RAP1GAP2: variants seen among roughly 807,000 people sequenced by gnomAD.
RAP1GAP2 encodes rap1 GTPase-activating protein 2.
A neutral mutation model predicts 95.0 loss-of-function variants in RAP1GAP2; 27 were observed. That is an observed-to-expected ratio of 0.28 (90% CI 0.21 to 0.39). The LOEUF is 0.39. Among genes scored for constraint, RAP1GAP2 ranks in the 10% least tolerant of loss-of-function variants. The probability of loss-of-function intolerance (pLI) is 1.00; values close to 1 mark genes in which losing one functional copy is unlikely to be tolerated. For missense variants in RAP1GAP2, 771 were observed against 970.0 expected, an observed-to-expected ratio of 0.79 and a Z score of 2.72; for synonymous variants, 373 against 380.9, an observed-to-expected ratio of 0.98 and a Z score of 0.24.
At chr17:2,944,906 G>A (rs1473704061) in intron 3 of RAP1GAP2, among the ~76,000 whole-genome samples, 1 of 151,800 alleles carries the variant, frequency 6.6e-6, no homozygotes, top group Non-Finnish European at 1.5e-5. Context: ...TTTTTGAGAC[G>A]GAGTCTTGCT....
chr17:2,799,640 G>T (rs1426045038), intron 1 of RAP1GAP2, among the ~76,000 whole-genome samples: 1 of 152,218 alleles, frequency 6.6e-6, no homozygotes, highest in East Asian at 1.9e-4. Flanking sequence ...GACATGGACA[G>T]TGATGGTGAC....
Position 2,964,065 on chromosome 17 carries a change from G to A in RAP1GAP2, c.489G>A (p.Gly163=), listed in dbSNP as rs1261967629. 6.2e-7 allele frequency: 1 copy of A among 1,608,232 alleles called. No homozygotes were observed. Among genetic ancestry groups the A allele is most frequent in the Non-Finnish European group, 8.5e-7 (1 of 1,177,686 alleles). Residue 163 remains glycine, a synonymous_variant, in exon 7 of 25, where the codon GGG becomes GGA. Coordinates refer to ENST00000254695, the MANE Select transcript of RAP1GAP2 (RefSeq NM_015085.5). The stretch of plus-strand genomic sequence containing the variant: ...GGGCCTACCGGAGGCACTTCCTGGG[G>A]AAGGTGAGGCTGGGGGAGAGGAGCT... ...EARAYRRHFL[G]KDHLNFYCTG... is the part of the protein sequence containing the mutation.
intron 12 of RAP1GAP2, among the ~76,000 whole-genome samples, chr17:2,993,712 C>A (rs372152632): frequency 1.4e-3 from 208 of 152,136 alleles, no homozygotes; most frequent in African/African-American, 5.0e-3. Flanking sequence ...GAGATGCTAT[C>A]ATTATAAGAC....
intron 2 of RAP1GAP2, among the ~76,000 whole-genome samples, chr17:2,864,009 G>A (rs529415895): frequency 1.6e-4 from 24 of 151,834 alleles, no homozygotes; most frequent in South Asian, 4.2e-4. Flanking sequence ...CCGAGATCGC[G>A]CCACTGCACT....
intron 2 of RAP1GAP2, among the ~76,000 whole-genome samples, chr17:2,806,073 C>T (rs1488936197): frequency 2.6e-5 from 4 of 152,186 alleles, no homozygotes; most frequent in African/African-American, 9.7e-5. Context: ...GTGATTTCTT[C>T]CCTAGGAGAA....
intron 2 of RAP1GAP2, among the ~76,000 whole-genome samples, chr17:2,840,922 C>A (rs530000657): frequency 6.6e-6 from 1 of 151,980 alleles, no homozygotes; most frequent in Admixed American, 6.6e-5. Flanking sequence ...TGCTTGAGCC[C>A]GGGAGGTGGA....
Position 2,855,934 on chromosome 17 carries a change from A to G in RAP1GAP2, c.81-49350A>G, listed in dbSNP as rs1462284749. Among the ~76,000 whole-genome samples, 1 of 152,202 alleles carries G rather than the reference A, an allele frequency of 6.6e-6. No individual in the cohort carries two copies. The highest frequency in any genetic ancestry group is 6.6e-5 in the Admixed American group (1 of 15,262). On this transcript the variant is annotated intron_variant, in intron 2 of 24. Coordinates refer to ENST00000254695, the MANE Select transcript of RAP1GAP2 (RefSeq NM_015085.5). The surrounding 1 kb of genome is among the most constrained non-coding windows in gnomAD (Gnocchi z 4.3). ...CGGCTGAAGTGAATCTATTTAATAG[A>G]AATAGTAGTAATAATAATACAAGTG...
intron 2 of RAP1GAP2, among the ~76,000 whole-genome samples, chr17:2,815,407 G>A (rs1024306422): frequency 2.7e-4 from 41 of 151,872 alleles, no homozygotes; most frequent in African/African-American, 8.9e-4. Context: ...TGGGAACAGA[G>A]TGCCTGGTAC....
chr17:2,908,122 C>T lies in RAP1GAP2; in HGVS notation c.165+2754C>T, dbSNP rs544117924. Reference sequence around the variant, plus strand: ...GCCTGGCCCAGAGTCAGCATTTTACCGTCATTTTCCGGTGATTTGTATACA... The same window carrying T: ...GCCTGGCCCAGAGTCAGCATTTTACTGTCATTTTCCGGTGATTTGTATACA... On this transcript the variant is annotated intron_variant, in intron 3 of 24. Transcript: ENST00000254695. Among the ~76,000 whole-genome samples, 21 of 152,192 alleles carry T rather than the reference C, an allele frequency of 1.4e-4. 1 individual carries two copies. The South Asian group carries it at 3.5e-3, about 26-fold the overall frequency.
intron 2 of RAP1GAP2, among the ~76,000 whole-genome samples, chr17:2,882,903 G>A (rs1276440465): frequency 1.3e-5 from 2 of 152,220 alleles, no homozygotes; most frequent in East Asian, 1.9e-4. Context: ...GCACACCGTC[G>A]GTGCTTTACA....
At chr17:2,851,152 T>C (rs1031890269) in intron 2 of RAP1GAP2, among the ~76,000 whole-genome samples, 4 of 152,062 alleles carry the variant, frequency 2.6e-5, no homozygotes, top group Non-Finnish European at 4.4e-5. Context: ...CAAAGAATTA[T>C]GAAGGAGGTG....
chr17:2,959,474 T>C (rs2044233704), intron 4 of RAP1GAP2, among the ~76,000 whole-genome samples: 1 of 152,210 alleles, frequency 6.6e-6, no homozygotes, highest in Admixed American at 6.5e-5. Context: ...GGGCCCAGCC[T>C]CAGAGGGTTC....
chr17:2,892,140 T>C (rs1444111307), intron 2 of RAP1GAP2, among the ~76,000 whole-genome samples: 1 of 152,058 alleles, frequency 6.6e-6, no homozygotes, highest in African/African-American at 2.4e-5. Flanking sequence ...CCTATTTCTC[T>C]GTATATGGTA....
rs890471213 is a variant in RAP1GAP2 at position 3,035,259 on chromosome 17, T to C, written c.*1898T>C. ...AGGCCTGTACGTTCTGGACGCGTTT[T>C]GTTGGCTGGGCTTCTGGAGGCACTG... On this transcript the variant is annotated 3_prime_UTR_variant, in exon 25 of 25. Transcript: ENST00000254695. The surrounding 1 kb of genome is among the most constrained non-coding windows in gnomAD (Gnocchi z 4.3). 9.8e-5 allele frequency: 15 copies of C among 152,580 alleles called. No individual in the cohort carries two copies. The highest frequency in any genetic ancestry group is 3.4e-4 in the African/African-American group (14 of 41,450). 9.5% of individuals were successfully genotyped at this position (152,580 alleles called of 1,614,324 possible). A position where few individuals can be genotyped will look rare whatever the true frequency, so the allele number is the denominator to read the frequency against.
chr17:3,002,381 G>A (rs999556135), intron 14 of RAP1GAP2, among the ~76,000 whole-genome samples: 2 of 152,206 alleles, frequency 1.3e-5, no homozygotes, highest in African/African-American at 4.8e-5. Context: ...CACTCCACCT[G>A]CCAGGCAGAC....
upstream of RAP1GAP2, among the ~76,000 whole-genome samples, chr17:2,773,725 C>CTATTTATT (rs58664630): frequency 1.4e-3 from 204 of 147,992 alleles, 1 homozygote; most frequent in Middle Eastern, 6.9e-3. Context: ...ACAGTAGACA[C>CTATTTATT]TATTTATTTA....
chr17:2,759,244 C>T (rs2071202436), intron 1 of RAP1GAP2, among the ~76,000 whole-genome samples: 2 of 152,146 alleles, frequency 1.3e-5, no homozygotes, highest in Admixed American at 6.6e-5. Context: ...GAATCTATAT[C>T]TGTGCATACT....
chr17:2,947,559 C>T (rs2043747129), intron 3 of RAP1GAP2, among the ~76,000 whole-genome samples: 1 of 152,190 alleles, frequency 6.6e-6, no homozygotes, highest in Non-Finnish European at 1.5e-5. Flanking sequence ...TGAGCATCTA[C>T]TGTGTGCTAG....
At chr17:2,820,082 A>G (rs1042638395) in intron 2 of RAP1GAP2, among the ~76,000 whole-genome samples, 4 of 152,108 alleles carry the variant, frequency 2.6e-5, no homozygotes, top group African/African-American at 9.7e-5. Flanking sequence ...CTTCTGGCCT[A>G]GTTTTTTCTT....
Sources: gnomAD v4.1 joint callset for allele counts (sites outside exome capture counted in the v4.1 genomes callset) on GRCh38, gnomAD v4.1.1 for gene constraint, Gnocchi (gnomAD v3.1) non-coding constraint, MANE v1.5 for transcripts, NCBI Gene and HGNC (gene_info 2026-07-23, HGNC 2026-07-21) for gene names.